Variants in ATAD1 observed in about 807,000 individuals in gnomAD.
The protein encoded by ATAD1 is ATPase family AAA domain containing 1.
A neutral mutation model predicts 42.7 loss-of-function variants in ATAD1; 18 were observed. The ratio of observed to expected loss-of-function variants is 0.42; its 90% CI spans 0.29 to 0.63. ATAD1 has a LOEUF of 0.63. ATAD1 is among the 20% of genes least tolerant of loss of function. ATAD1 has a pLI of 0.19. For synonymous variants in ATAD1, 132 were observed against 143.1 expected (o/e 0.92, Z 0.55); for missense variants, 294 against 440.4 (o/e 0.67, Z 2.98).
chr10:87,775,859 G>T (rs554426119), intron 6 of ATAD1, among the ~76,000 whole-genome samples: 30 of 152,296 alleles, frequency 2.0e-4, no homozygotes, highest in African/African-American at 6.5e-4. Context: ...AGAAAGTGTT[G>T]TCAGTTTCAG....
chr10:87,833,532 T>C (rs1857872428), intron 1 of ATAD1, among the ~76,000 whole-genome samples: 1 of 152,194 alleles, frequency 6.6e-6, no homozygotes, highest in African/African-American at 2.4e-5. Context: ...GAAGACATTC[T>C]TACCTTGTTC....
intron 2 of ATAD1, among the ~76,000 whole-genome samples, chr10:87,803,464 ACG>A (rs1856792666): frequency 6.6e-6 from 1 of 152,202 alleles, no homozygotes; most frequent in Non-Finnish European, 1.5e-5. Context: ...GCTGAGATAA[ACG>A]CGTATCTGCT....
intron 1 of ATAD1, among the ~76,000 whole-genome samples, chr10:87,816,525 TCAC>T (rs1857420899): frequency 6.6e-6 from 1 of 152,126 alleles, no homozygotes; most frequent in Non-Finnish European, 1.5e-5. Context: ...TGTTAAGATA[TCAC>T]CACTTCATTC....
In ATAD1 at chr10:87,829,316, C is replaced by T. The variant is rs1018788618; in HGVS notation, c.-14+11871G>A. Among the ~76,000 whole-genome samples the T allele has an allele frequency of 1.1e-4, 16 of 151,366 alleles. 1 individual carries two copies. The highest frequency in any genetic ancestry group is 8.6e-4 in the Admixed American group (13 of 15,158). ...TGTCTCCCAGGCTGGAGTGTAGTGG[C>T]GTGATCTTGGCTCACTGCAACCTCT... On this transcript the variant is annotated intron_variant, in intron 1 of 4. Transcript: ENST00000495903.
At position 87,751,547 on chromosome 10, in the gene ATAD1, TCTC is replaced by T. The variant is rs1456776959; in HGVS notation, c.*3137_*3139del. 3 of 152,160 alleles carry T rather than the reference TCTC, an allele frequency of 2.0e-5. No individual in the cohort carries two copies. The highest frequency in any genetic ancestry group is 4.4e-5 in the Non-Finnish European group (3 of 68,028). The allele number at this position is 152,160 out of a possible 1,614,324, so 9.4% of individuals were successfully genotyped here. ...AGCTCATATTTAATAAGGTTCAAGT[TCTC>T]CTCAATATGATTTTCATTAACATCA... On this transcript the variant is annotated 3_prime_UTR_variant, in exon 10 of 10. Transcript: ENST00000680024.
At chr10:87,790,579 G>A in intron 3 of ATAD1, 149 bp from the exon 4 acceptor site, 1 of 833,974 alleles carries the variant, frequency 1.2e-6, no homozygotes, top group African/African-American at 1.8e-5. Context: ...ACTTTTCCAA[G>A]CAGTAATGAA....
At chr10:87,814,351 A>G (rs909307510) in intron 2 of ATAD1, 87 bp downstream of exon 2, 1 of 1,270,198 alleles carries the variant, frequency 7.9e-7, no homozygotes, top group Non-Finnish European at 1.1e-6. Context: ...ATTTCTCATT[A>G]ATTTGTGAAC....
At chr10:87,802,841 A>G (rs1383539095) in intron 2 of ATAD1, among the ~76,000 whole-genome samples, 1 of 152,134 alleles carries the variant, frequency 6.6e-6, no homozygotes, top group Admixed American at 6.6e-5. Context: ...AATATTTTTC[A>G]ATTTTTATTA....
chr10:87,801,019 C>T (rs1856666871), intron 2 of ATAD1, among the ~76,000 whole-genome samples: 1 of 152,162 alleles, frequency 6.6e-6, no homozygotes, highest in Non-Finnish European at 1.5e-5. Context: ...TTTGTTGAAG[C>T]ATTAACTGAC....
intron 1 of ATAD1, among the ~76,000 whole-genome samples, chr10:87,827,167 G>C (rs1857745804): frequency 6.6e-6 from 1 of 152,112 alleles, no homozygotes; most frequent in Non-Finnish European, 1.5e-5. Flanking sequence ...ATTATTTACT[G>C]TTACTAAATA....
At chr10:87,833,727 C>CTTTTTTTT (rs3033524) in intron 1 of ATAD1, among the ~76,000 whole-genome samples, 13 of 100,762 alleles carry the variant, frequency 1.3e-4, no homozygotes, top group Admixed American at 2.6e-4. Flanking sequence ...TCTTTCTTTC[C>CTTTTTTTT]TTTTTTTTTT....
chr10:87,830,333 C>G (rs979737308), intron 1 of ATAD1, among the ~76,000 whole-genome samples: 6 of 152,206 alleles, frequency 3.9e-5, no homozygotes, highest in African/African-American at 7.2e-5. Context: ...TGCTTTATGA[C>G]CAACTTTATT....
rs765828494 is a variant in ATAD1, at chr10:87,814,615, T to TA, written c.-13-4dup. Reference sequence around the variant, plus strand: ...CATGTACCATCTTGAATGTTAACCTTAAAAAAACAAACAGAAATGTCACTA... The same window carrying TA: ...CATGTACCATCTTGAATGTTAACCTTAAAAAAAACAAACAGAAATGTCACTA... On this transcript the variant is annotated splice_polypyrimidine_tract_variant and splice_region_variant and intron_variant, in intron 1 of 9. Coordinates refer to ENST00000680024, the MANE Select transcript of ATAD1 (RefSeq NM_001321967.2). The TA allele has an allele frequency of 9.5e-6, 15 of 1,580,642 alleles. No homozygotes were observed. In the African/African-American group the frequency reaches 1.8e-4, roughly 19 times the overall value.
intron 8 of ATAD1, among the ~76,000 whole-genome samples, chr10:87,762,163 T>A (rs986201180): frequency 7.9e-5 from 12 of 152,210 alleles, no homozygotes; most frequent in African/African-American, 2.9e-4. Flanking sequence ...TATATGTAAA[T>A]CATCTGCATC....
At chr10:87,820,483 A>C (rs1018155490), upstream of ATAD1, among the ~76,000 whole-genome samples, 3 of 152,214 alleles carry the variant, frequency 2.0e-5, no homozygotes, top group African/African-American at 7.2e-5. Flanking sequence ...ACAAAGTCTC[A>C]GGCAAATCAT....
At chr10:87,783,111 G>A (rs554688415) in intron 5 of ATAD1, among the ~76,000 whole-genome samples, 43 of 152,286 alleles carry the variant, frequency 2.8e-4, no homozygotes, top group Admixed American at 7.8e-4. Flanking sequence ...CAGGTGTGGT[G>A]GACACACCTG....
intron 2 of ATAD1, among the ~76,000 whole-genome samples, chr10:87,802,976 G>A (rs950534065): frequency 6.6e-6 from 1 of 152,006 alleles, no homozygotes; most frequent in South Asian, 2.1e-4. Flanking sequence ...AAACTAAGCT[G>A]TGCTTTCTTA....
chr10:87,782,794 G>A (rs1855630782), intron 5 of ATAD1, among the ~76,000 whole-genome samples: 2 of 151,856 alleles, frequency 1.3e-5, no homozygotes, highest in African/African-American at 4.8e-5. Context: ...CCCAGGAGTT[G>A]GGGACCAACC....
At chr10:87,821,883 C>G (rs1857638146), upstream of ATAD1, among the ~76,000 whole-genome samples, 1 of 152,182 alleles carries the variant, frequency 6.6e-6, no homozygotes, top group African/African-American at 2.4e-5. Context: ...GTTTTGGACT[C>G]TATTTTGAGA....
Sources: allele counts gnomAD v4.1 joint callset (sites outside exome capture counted in the v4.1 genomes callset), GRCh38; gene constraint gnomAD v4.1.1; transcripts MANE v1.5; gene names NCBI Gene and HGNC (gene_info 2026-07-23, HGNC 2026-07-21).